GRM7: variants seen among roughly 807,000 people sequenced by gnomAD.
GRM7 encodes metabotropic glutamate receptor 7.
Under a neutral mutation model 84.5 loss-of-function variants are expected in GRM7, and 35 were observed. The observed-to-expected ratio is 0.41, with a 90% CI of 0.32 to 0.55. The LOEUF is 0.55. Ranked by LOEUF, GRM7 falls within the 20% of genes least tolerant of loss-of-function variation. GRM7 has a pLI of 0.19. For missense variants in GRM7, 1,003 were observed against 1,194.6 expected (o/e 0.84, Z 2.36); for synonymous variants, 487 against 455.1 (o/e 1.07, Z -0.89).
chr3:7,638,555 G>T (rs1430223410), intron 8 of GRM7, among the ~76,000 whole-genome samples: 11 of 152,140 alleles, frequency 7.2e-5, no homozygotes, highest in Admixed American at 7.2e-4. Context: ...CTTCCTGTAA[G>T]ATCACCTCTT....
chr3:7,207,345 CG>C (rs1233931758), intron 2 of GRM7, among the ~76,000 whole-genome samples: 1 of 152,094 alleles, frequency 6.6e-6, no homozygotes, highest in Non-Finnish European at 1.5e-5. Context: ...CAAAGTGGCC[CG>C]GATGCCTCTC....
chr3:7,306,422 T>C (rs1700196031), intron 3 of GRM7, 76 bp from the exon 4 acceptor site: 1 of 1,290,154 alleles, frequency 7.8e-7, no homozygotes, highest in Admixed American at 1.8e-5. Flanking sequence ...ACCTTTCCTT[T>C]TGCTGACTTG....
At chr3:7,522,504 G>T (rs1013185053) in intron 7 of GRM7, among the ~76,000 whole-genome samples, 1 of 152,040 alleles carries the variant, frequency 6.6e-6, no homozygotes, top group African/African-American at 2.4e-5. Flanking sequence ...CACCTCCAGA[G>T]GTCAGTTTAT....
intron 4 of GRM7, among the ~76,000 whole-genome samples, chr3:7,381,947 A>G (rs1443620883): frequency 1.3e-5 from 2 of 152,068 alleles, no homozygotes; most frequent in Non-Finnish European, 2.9e-5. Context: ...GTGTGCATTT[A>G]TTTCTAGGAT....
At chr3:6,963,223 C>G (rs1693369041) in intron 1 of GRM7, among the ~76,000 whole-genome samples, 1 of 152,136 alleles carries the variant, frequency 6.6e-6, no homozygotes, top group Non-Finnish European at 1.5e-5. Flanking sequence ...AATTATTTGC[C>G]AAAATAGAAC....
chr3:7,153,511 G>A (rs1694353481), intron 2 of GRM7, among the ~76,000 whole-genome samples: 2 of 152,102 alleles, frequency 1.3e-5, no homozygotes, highest in South Asian at 4.1e-4. Flanking sequence ...CACAGACTAG[G>A]TTTAATAAAT....
At chr3:7,215,759 T>C (rs1219671709) in intron 2 of GRM7, among the ~76,000 whole-genome samples, 1 of 152,182 alleles carries the variant, frequency 6.6e-6, no homozygotes, top group Non-Finnish European at 1.5e-5. Flanking sequence ...AAAAATGTCT[T>C]ATGGGTCTTA....
chr3:7,621,237 A>G (rs1167275691), intron 8 of GRM7, among the ~76,000 whole-genome samples: 4 of 152,144 alleles, frequency 2.6e-5, no homozygotes, highest in African/African-American at 9.7e-5. Flanking sequence ...AAAGTGACCA[A>G]ATCTCAATTT....
chr3:7,089,135 A>T (rs1397554356), intron 1 of GRM7, among the ~76,000 whole-genome samples: 1 of 152,108 alleles, frequency 6.6e-6, no homozygotes, highest in Non-Finnish European at 1.5e-5. Context: ...TTCCAACTTT[A>T]TTGGGTAGAG....
At chr3:6,884,686 G>A (rs190952019) in intron 1 of GRM7, among the ~76,000 whole-genome samples, 166 of 151,810 alleles carry the variant, frequency 1.1e-3, no homozygotes, top group African/African-American at 3.8e-3. Flanking sequence ...TGCAACACTC[G>A]CCTTTGGGGT....
At chr3:7,083,790 G>A (rs1335545836) in intron 1 of GRM7, among the ~76,000 whole-genome samples, 2 of 152,124 alleles carry the variant, frequency 1.3e-5, no homozygotes, top group South Asian at 4.1e-4. Flanking sequence ...TTCTCTGTGA[G>A]TGCTACGACG....
intron 1 of GRM7, among the ~76,000 whole-genome samples, chr3:7,004,410 T>G (rs1695114503): frequency 6.6e-6 from 1 of 152,154 alleles, no homozygotes; most frequent in East Asian, 1.9e-4. Flanking sequence ...ATATAAGTAT[T>G]AGGACAAATA....
chr3:7,131,698 C>G, intron 1 of GRM7, among the ~76,000 whole-genome samples: 1 of 152,036 alleles, frequency 6.6e-6, no homozygotes, highest in East Asian at 1.9e-4. Context: ...AGGATGGACT[C>G]GATCTCTTGA....
At chr3:7,002,687 T>G (rs1695053038) in intron 1 of GRM7, among the ~76,000 whole-genome samples, 1 of 152,050 alleles carries the variant, frequency 6.6e-6, no homozygotes, top group Non-Finnish European at 1.5e-5. Context: ...GAGAGTCTTT[T>G]AAAAATTAAA....
Position 7,333,997 on chromosome 3 carries a change from G to T in GRM7, c.1033+27345G>T, listed in dbSNP as rs140193288. ...ATGACCAAACATAAGAATAATTGTT[G>T]TTCCTTAAGAGAAATCTGCAAGTTT... is the stretch of plus-strand genomic sequence containing the variant. On this transcript the variant is annotated intron_variant, in intron 4 of 9. Transcript: ENST00000357716. Among the ~76,000 whole-genome samples the T allele has an allele frequency of 7.7e-3, 1,167 of 152,058 alleles. 19 individuals carry two copies. The highest frequency in any genetic ancestry group is 0.027 in the African/African-American group (1,107 of 41,510).
At chr3:7,608,226 A>G (rs145295441) in intron 8 of GRM7, 1 of 153,442 alleles carries the variant, frequency 6.5e-6, no homozygotes, top group Non-Finnish European at 1.5e-5. Flanking sequence ...AAAATGATTT[A>G]TATTCCTCCA....
chr3:7,136,319 C>A (rs1462186935), intron 1 of GRM7, among the ~76,000 whole-genome samples: 2 of 151,780 alleles, frequency 1.3e-5, no homozygotes, highest in African/African-American at 4.8e-5. Context: ...AAGGAAAAGG[C>A]AGGGCAGAAA....
intron 2 of GRM7, among the ~76,000 whole-genome samples, chr3:7,287,106 T>G (rs573114211): frequency 6.6e-6 from 1 of 152,232 alleles, no homozygotes; most frequent in Admixed American, 6.5e-5. Flanking sequence ...TAGATAGAGA[T>G]AAAGAAAGCT....
intron 8 of GRM7, among the ~76,000 whole-genome samples, chr3:7,670,577 T>A (rs1014382732): frequency 6.6e-6 from 1 of 152,236 alleles, no homozygotes; most frequent in Non-Finnish European, 1.5e-5. Context: ...TTTAACTATT[T>A]ATTTGACATC....
Sources: allele counts gnomAD v4.1 joint callset (sites outside exome capture counted in the v4.1 genomes callset), GRCh38; gene constraint gnomAD v4.1.1; transcripts MANE v1.5; gene names NCBI Gene and HGNC (gene_info 2026-07-23, HGNC 2026-07-21).